PRKCE: variants seen among roughly 807,000 people sequenced by gnomAD.
PRKCE encodes the protein protein kinase C epsilon type.
PRKCE carries 16 observed loss-of-function variants against 85.4 expected under a neutral mutation model. The observed-to-expected ratio is 0.19, with a 90% CI of 0.13 to 0.28. The LOEUF is 0.28. Ranked by LOEUF, PRKCE falls within the 10% of genes least tolerant of loss-of-function variation. The pLI is 1.00. For missense variants in PRKCE, 573 were observed against 975.2 expected, an observed-to-expected ratio of 0.59 and a Z score of 5.49; for synonymous variants, 388 against 371.5, an observed-to-expected ratio of 1.04 and a Z score of -0.51.
intron 6 of PRKCE, among the ~76,000 whole-genome samples, chr2:45,988,880 T>A (rs1482614957): frequency 2.0e-5 from 3 of 152,208 alleles, no homozygotes; most frequent in Non-Finnish European, 4.4e-5. Context: ...ACCATGGGCC[T>A]CTCTGGGGCC....
At chr2:45,845,295 A>G (rs1691689596) in intron 2 of PRKCE, 1 of 151,816 alleles carries the variant, frequency 6.6e-6, no homozygotes, top group Non-Finnish European at 1.5e-5. Context: ...AACATTTCAT[A>G]CCTAAACCAC....
At chr2:45,787,203 G>A (rs1226890361) in intron 1 of PRKCE, among the ~76,000 whole-genome samples, 1 of 152,252 alleles carries the variant, frequency 6.6e-6, no homozygotes, top group Non-Finnish European at 1.5e-5. Context: ...GCTGGTGATA[G>A]CTGGAGCTGA....
rs1275916148 is a variant in PRKCE at position 46,112,500 on chromosome 2, TTTGTTTG to T, written c.1592+26141_1592+26147del. 2.9e-3 allele frequency among the ~76,000 whole-genome samples: 184 copies of T among 64,312 alleles called. 1 individual carries two copies. The highest frequency in any genetic ancestry group is 0.024 in the South Asian group (53 of 2,250). The allele number at this position is 64,312 out of a possible 152,430, so 42.2% of individuals were successfully genotyped here. ...CTGTTTTTGTTTTTTTGGTTTTTTT[TTTGTTTG>T]TTTGTTTGTTTGTTTTTTGTTTTTG... On this transcript the variant is annotated intron_variant, in intron 11 of 14. Transcript: ENST00000306156.
At chr2:46,156,694 G>A (rs182259751) in intron 13 of PRKCE, among the ~76,000 whole-genome samples, 297 of 152,282 alleles carry the variant, frequency 2.0e-3, no homozygotes, top group Admixed American at 2.9e-3. Flanking sequence ...TTGCTTAGGG[G>A]GACTCTGTTG....
chr2:46,044,977 AT>A, intron 10 of PRKCE, among the ~76,000 whole-genome samples: 1 of 152,296 alleles, frequency 6.6e-6, no homozygotes, highest in South Asian at 2.1e-4. Flanking sequence ...ATGTTCTCAT[AT>A]TTTATTTTAC....
intron 10 of PRKCE, among the ~76,000 whole-genome samples, chr2:46,058,307 G>C (rs984216119): frequency 2.0e-5 from 3 of 152,210 alleles, no homozygotes; most frequent in African/African-American, 7.2e-5. Context: ...AGGCTAACTG[G>C]CCACACCACC....
At chr2:46,182,838 T>C (rs981223127) in intron 14 of PRKCE, among the ~76,000 whole-genome samples, 2 of 152,228 alleles carry the variant, frequency 1.3e-5, no homozygotes, top group African/African-American at 2.4e-5. Context: ...TTTTGCCTAG[T>C]GGTGTTACCA....
At chr2:45,830,542 AAG>A (rs773608109) in intron 1 of PRKCE, among the ~76,000 whole-genome samples, 18 of 152,344 alleles carry the variant, frequency 1.2e-4, no homozygotes, top group Non-Finnish European at 2.6e-4. Flanking sequence ...ACATCTGAAT[AAG>A]AGGAGTTTCA....
At chr2:46,081,942 A>G (rs1322387302) in intron 10 of PRKCE, among the ~76,000 whole-genome samples, 1 of 152,100 alleles carries the variant, frequency 6.6e-6, no homozygotes, top group Non-Finnish European at 1.5e-5. Context: ...CTAAAAATAC[A>G]AAAAATAGCT....
chr2:45,723,308 G>A (rs1052357197), intron 1 of PRKCE, among the ~76,000 whole-genome samples: 5 of 152,130 alleles, frequency 3.3e-5, no homozygotes, highest in African/African-American at 9.7e-5. Flanking sequence ...AGGCCCCTAT[G>A]AGCCAGCATC....
chr2:45,689,396 A>G (rs1297346213), intron 1 of PRKCE, among the ~76,000 whole-genome samples: 1 of 151,972 alleles, frequency 6.6e-6, no homozygotes, highest in Non-Finnish European at 1.5e-5. Flanking sequence ...GCCTCCCACG[A>G]CCCCCAATCC....
intron 10 of PRKCE, among the ~76,000 whole-genome samples, chr2:46,039,897 C>T (rs945073861): frequency 2.6e-5 from 4 of 152,128 alleles, no homozygotes; most frequent in Non-Finnish European, 5.9e-5. Flanking sequence ...TGTGGGTCTC[C>T]GCACCATCCT....
At chr2:45,806,014 A>G (rs1688214938) in intron 1 of PRKCE, among the ~76,000 whole-genome samples, 1 of 152,188 alleles carries the variant, frequency 6.6e-6, no homozygotes, top group African/African-American at 2.4e-5. Context: ...TTCTGTGTCC[A>G]TGCTCTTGAG....
chr2:46,090,630 A>G (rs762285361), intron 11 of PRKCE, among the ~76,000 whole-genome samples: 22 of 152,172 alleles, frequency 1.4e-4, no homozygotes, highest in Non-Finnish European at 2.6e-4. Flanking sequence ...CATTTCTAGT[A>G]TACAAGATAT....
intron 1 of PRKCE, among the ~76,000 whole-genome samples, chr2:45,793,366 A>C (rs1687177542): frequency 6.6e-6 from 1 of 152,132 alleles, no homozygotes; most frequent in African/African-American, 2.4e-5. Context: ...TTGGTTAGAC[A>C]CTTCGGGGGA....
intron 10 of PRKCE, among the ~76,000 whole-genome samples, chr2:46,079,837 T>C (rs1363300331): frequency 6.6e-6 from 1 of 152,216 alleles, no homozygotes; most frequent in Non-Finnish European, 1.5e-5. Context: ...ATTAACGCTC[T>C]GGGAAAATGG....
intron 14 of PRKCE, among the ~76,000 whole-genome samples, chr2:46,176,111 G>A (rs1679398028): frequency 6.6e-6 from 1 of 152,140 alleles, no homozygotes; most frequent in African/African-American, 2.4e-5. Context: ...AAGCAGACCT[G>A]TTATTTTGCC....
At chr2:45,918,525 C>T (rs1029944171) in intron 2 of PRKCE, among the ~76,000 whole-genome samples, 8 of 152,174 alleles carry the variant, frequency 5.3e-5, no homozygotes, top group Non-Finnish European at 1.2e-4. Flanking sequence ...GAAAAGGGTT[C>T]GGACAATAAA....
intron 11 of PRKCE, among the ~76,000 whole-genome samples, chr2:46,092,945 T>G (rs1180913218): frequency 6.6e-6 from 1 of 152,028 alleles, no homozygotes; most frequent in East Asian, 1.9e-4. Context: ...TTTTAATACA[T>G]TATCAAGTTA....
Sources: gnomAD v4.1 joint callset for allele counts (sites outside exome capture counted in the v4.1 genomes callset) on GRCh38, gnomAD v4.1.1 for gene constraint, MANE v1.5 for transcripts, NCBI Gene and HGNC (gene_info 2026-07-23, HGNC 2026-07-21) for gene names.